The following UNC5C variants were observed in gnomAD, a reference collection of about 807,000 sequenced individuals.
The protein encoded by UNC5C is unc-5 netrin receptor C, also known as netrin receptor UNC5C.
UNC5C carries 47 observed loss-of-function variants against 99.8 expected under a neutral mutation model. The ratio of observed to expected loss-of-function variants is 0.47; its 90% CI spans 0.37 to 0.60. The LOEUF is 0.60. UNC5C is among the 20% of genes least tolerant of loss of function. UNC5C has a pLI of 0.00. For synonymous variants in UNC5C, 487 were observed against 452.2 expected (o/e 1.08, Z -0.98); for missense variants, 1,062 against 1,165.9 (o/e 0.91, Z 1.30).
chr4:95,339,347 A>G (rs1743469183), intron 1 of UNC5C, among the ~76,000 whole-genome samples: 2 of 152,036 alleles, frequency 1.3e-5, no homozygotes, highest in Non-Finnish European at 2.9e-5. Flanking sequence ...TTTTCAGGGC[A>G]TTAAAGGACT....
chr4:95,337,129 G>A (rs1241453162), intron 1 of UNC5C, among the ~76,000 whole-genome samples: 1 of 151,820 alleles, frequency 6.6e-6, no homozygotes, highest in Non-Finnish European at 1.5e-5. Context: ...GATGGACAGT[G>A]CTGATAATCA....
intron 1 of UNC5C, among the ~76,000 whole-genome samples, chr4:95,366,095 T>A (rs796377374): frequency 1.9e-4 from 29 of 152,240 alleles, no homozygotes; most frequent in African/African-American, 7.0e-4. Flanking sequence ...TTACCTACTT[T>A]TCAAAAGAGA....
intron 4 of UNC5C, among the ~76,000 whole-genome samples, chr4:95,276,124 A>G (rs1360239209): frequency 1.3e-5 from 2 of 152,098 alleles, no homozygotes; most frequent in Non-Finnish European, 2.9e-5. Context: ...TTTTTAACGT[A>G]TCTGCTCCTC....
intron 1 of UNC5C, among the ~76,000 whole-genome samples, chr4:95,383,737 T>A (rs1409632476): frequency 6.6e-6 from 1 of 152,188 alleles, no homozygotes; most frequent in Non-Finnish European, 1.5e-5. Context: ...AAACATCAGT[T>A]TTAATATTGC....
rs184334308 is a variant in UNC5C, at chr4:95,216,466, C to T, written c.1646-255G>A. Among the ~76,000 whole-genome samples, 197 of 152,202 alleles carry T rather than the reference C, an allele frequency of 1.3e-3. 2 individuals carry two copies. Among genetic ancestry groups the T allele is most frequent in the Non-Finnish European group, 2.0e-3 (133 of 68,020 alleles). On this transcript the variant is annotated intron_variant, in intron 9 of 15. Transcript: ENST00000453304. ...TTTGAGGAACAGACAGATGGTTCCACTGTTGTTTTCCTTGCAAGACAAGGG... is the reference window on the plus strand; with the variant it reads ...TTTGAGGAACAGACAGATGGTTCCATTGTTGTTTTCCTTGCAAGACAAGGG...
chr4:95,403,945 G>C (rs1312776851), intron 1 of UNC5C, among the ~76,000 whole-genome samples: 1 of 152,162 alleles, frequency 6.6e-6, no homozygotes, highest in Non-Finnish European at 1.5e-5. Flanking sequence ...CTCCTGTGTG[G>C]TGAGTACATT....
intron 10 of UNC5C, among the ~76,000 whole-genome samples, chr4:95,208,507 A>T (rs944295964): frequency 2.0e-5 from 3 of 152,198 alleles, no homozygotes; most frequent in African/African-American, 7.2e-5. Flanking sequence ...CTATTTCTTC[A>T]TGCTCTATCT....
intron 1 of UNC5C, among the ~76,000 whole-genome samples, chr4:95,374,368 T>G (rs533620368): frequency 1.8e-4 from 28 of 152,292 alleles, no homozygotes; most frequent in Non-Finnish European, 2.4e-4. Context: ...ATTCTTTAAG[T>G]GCTTTGAGTG....
At position 95,242,581 on chromosome 4, in the gene UNC5C, C is replaced by A; in HGVS notation, c.956G>T (p.Trp319Leu). 1 of 1,584,036 alleles carries A rather than the reference C, an allele frequency of 6.3e-7. No homozygotes were observed. Among genetic ancestry groups the A allele is most frequent in the East Asian group, 2.3e-5 (1 of 44,158 alleles). ...CTTLCPVDGR[W>L]TPWSKWSTCG... Reference sequence around the variant, plus strand: ...AGTAGACCACTTGCTCCATGGCGTCCACCTGCCATCCACTGCCATGGAAAA... The same window carrying A: ...AGTAGACCACTTGCTCCATGGCGTCAACCTGCCATCCACTGCCATGGAAAA... Residue 319 changes from tryptophan (W) to leucine (L), a missense_variant, in exon 7 of 16, where the codon TGG becomes TTG. Physicochemically the swap from Trp to Leu is moderately conservative, Grantham distance 61. Around this residue, in one of 3 missense-constraint regions of UNC5C, gnomAD observed 810 missense variants for 854.5 expected, o/e 0.95. Coordinates refer to ENST00000453304, the MANE Select transcript of UNC5C (RefSeq NM_003728.4).
chr4:95,511,976 G>A (rs1009130107), intron 1 of UNC5C, among the ~76,000 whole-genome samples: 1 of 152,108 alleles, frequency 6.6e-6, no homozygotes, highest in African/African-American at 2.4e-5. Context: ...AAGGGTATGT[G>A]ACTACTTGTT....
chr4:95,445,383 G>A (rs1223024463), intron 1 of UNC5C, among the ~76,000 whole-genome samples: 1 of 151,650 alleles, frequency 6.6e-6, no homozygotes, highest in Non-Finnish European at 1.5e-5. Context: ...AGGGAATGCA[G>A]CTGAATGCAG....
intron 1 of UNC5C, among the ~76,000 whole-genome samples, chr4:95,454,054 G>A (rs1747360726): frequency 6.6e-6 from 1 of 152,064 alleles, no homozygotes; most frequent in African/African-American, 2.4e-5. Flanking sequence ...ATGTTCTGCG[G>A]GGTTAAAAAG....
At chr4:95,477,415 C>T (rs1163731809) in intron 1 of UNC5C, among the ~76,000 whole-genome samples, 1 of 151,952 alleles carries the variant, frequency 6.6e-6, no homozygotes, top group Non-Finnish European at 1.5e-5. Context: ...AAAATGTCAG[C>T]CTAATGGGAA....
At chr4:95,511,789 C>A (rs928096685) in intron 1 of UNC5C, among the ~76,000 whole-genome samples, 1 of 151,474 alleles carries the variant, frequency 6.6e-6, no homozygotes, top group Non-Finnish European at 1.5e-5. Context: ...CAGACCAATG[C>A]AATGGAAAAA....
At chr4:95,207,402 C>A (rs1374856370) in intron 10 of UNC5C, among the ~76,000 whole-genome samples, 2 of 152,200 alleles carry the variant, frequency 1.3e-5, no homozygotes, top group Non-Finnish European at 2.9e-5. Context: ...AGTTCATGCT[C>A]AGAGAATCTG....
At chr4:95,462,697 G>A (rs756684543) in intron 1 of UNC5C, among the ~76,000 whole-genome samples, 7 of 152,068 alleles carry the variant, frequency 4.6e-5, no homozygotes, top group Non-Finnish European at 1.0e-4. Flanking sequence ...ATGTGTCCTG[G>A]GTTTATGTAG....
intron 4 of UNC5C, among the ~76,000 whole-genome samples, chr4:95,261,871 T>C (rs1054299448): frequency 6.6e-6 from 1 of 152,102 alleles, no homozygotes; most frequent in African/African-American, 2.4e-5. Context: ...GCCCAGCTAA[T>C]TTTTTCTATT....
At chr4:95,369,418 G>T (rs1287122521) in intron 1 of UNC5C, among the ~76,000 whole-genome samples, 1 of 151,796 alleles carries the variant, frequency 6.6e-6, no homozygotes, top group African/African-American at 2.4e-5. Context: ...TGGGTGTGGT[G>T]GTGCATGCCT....
intron 1 of UNC5C, among the ~76,000 whole-genome samples, chr4:95,374,797 A>G (rs907270088): frequency 1.3e-5 from 2 of 152,160 alleles, no homozygotes; most frequent in Non-Finnish European, 2.9e-5. Flanking sequence ...TCAAGAGGAC[A>G]TGAAAGAAGC....
Sources: gnomAD v4.1 joint callset for allele counts (sites outside exome capture counted in the v4.1 genomes callset) on GRCh38, gnomAD v4.1.1 for gene constraint, gnomAD v4.1.1 regional missense constraint, MANE v1.5 for transcripts, NCBI Gene and HGNC (gene_info 2026-07-23, HGNC 2026-07-21) for gene names.